STAU2: variants seen among roughly 807,000 people sequenced by gnomAD.
STAU2 encodes double-stranded RNA-binding protein Staufen homolog 2.
A neutral mutation model predicts 65.9 loss-of-function variants in STAU2; 20 were observed. That is an observed-to-expected ratio of 0.30 (90% CI 0.21 to 0.44). The LOEUF (loss-of-function observed/expected upper bound fraction) is 0.44. Ranked by LOEUF, STAU2 falls within the 20% of genes least tolerant of loss-of-function variation. STAU2 has a pLI of 1.00. For synonymous variants in STAU2, 232 were observed against 233.9 expected, an observed-to-expected ratio of 0.99 and a Z score of 0.07; for missense variants, 558 against 683.9, an observed-to-expected ratio of 0.82 and a Z score of 2.05.
At chr8:73,647,077 C>T (rs1428446230) in intron 6 of STAU2, among the ~76,000 whole-genome samples, 1 of 151,932 alleles carries the variant, frequency 6.6e-6, no homozygotes, top group East Asian at 1.9e-4. Flanking sequence ...TAGTGACAAC[C>T]ACAAATGCTG....
chr8:73,526,136 G>T (rs1805439267), intron 13 of STAU2, among the ~76,000 whole-genome samples: 1 of 152,142 alleles, frequency 6.6e-6, no homozygotes, highest in Non-Finnish European at 1.5e-5. Flanking sequence ...ATTCAACCTG[G>T]ATCAGGAAGA....
At chr8:73,654,847 C>T (rs1033368979) in intron 6 of STAU2, among the ~76,000 whole-genome samples, 10 of 151,278 alleles carry the variant, frequency 6.6e-5, no homozygotes, top group African/African-American at 1.9e-4. Context: ...CCACCATGCC[C>T]GGCTAATTTT....
At chr8:73,545,263 T>C (rs1806821464) in intron 13 of STAU2, among the ~76,000 whole-genome samples, 1 of 152,216 alleles carries the variant, frequency 6.6e-6, no homozygotes, top group African/African-American at 2.4e-5. Context: ...GACTTGATTC[T>C]AGACTTTATT....
chr8:73,635,301 T>C (rs1238742814), intron 6 of STAU2, among the ~76,000 whole-genome samples: 1 of 152,016 alleles, frequency 6.6e-6, no homozygotes, highest in Admixed American at 6.6e-5. Context: ...TACCAAAAAG[T>C]CAATGAAACA....
At chr8:73,630,650 G>C (rs1814023536) in intron 6 of STAU2, among the ~76,000 whole-genome samples, 1 of 152,166 alleles carries the variant, frequency 6.6e-6, no homozygotes, top group South Asian at 2.1e-4. Flanking sequence ...GTTGACATGA[G>C]TTAGTGTAGC....
chr8:73,514,680 C>T (rs1299755157), intron 13 of STAU2, among the ~76,000 whole-genome samples: 1 of 152,216 alleles, frequency 6.6e-6, no homozygotes, highest in African/African-American at 2.4e-5. Context: ...CATAGCTCTT[C>T]AGTATTCATA....
rs936375094 is a variant in STAU2 at position 73,595,236 on chromosome 8, T to C, written c.1091A>G (p.Asn364Ser). 3 of 1,586,534 alleles carry C rather than the reference T, an allele frequency of 1.9e-6. No individual in the cohort carries two copies. The highest frequency in any genetic ancestry group is 2.6e-6 in the Non-Finnish European group (3 of 1,163,124). The change falls in exon 11 of 15, where the codon AAT becomes AGT. Residue 364 changes from asparagine (N) to serine (S), a missense_variant. Asn to Ser is a conservative substitution (Grantham distance 46). Coordinates refer to ENST00000524300, the MANE Select transcript of STAU2 (RefSeq NM_001164380.2). ...TTGTAACAGCATTGCTTCTGCAGCA[T>C]TTTTTTTGGCTATCTTTTTATTAGG... ...TGPNKKIAKK[N>S]AAEAMLLQLG...
intron 8 of STAU2, among the ~76,000 whole-genome samples, 156 bp downstream of exon 8, chr8:73,615,519 T>C (rs948389788): frequency 2.6e-5 from 4 of 152,210 alleles, no homozygotes; most frequent in African/African-American, 7.2e-5. Flanking sequence ...ATGATTTCTA[T>C]TTTCACCAGG....
intron 6 of STAU2, among the ~76,000 whole-genome samples, chr8:73,623,626 T>A (rs1030721871): frequency 6.6e-6 from 1 of 152,234 alleles, no homozygotes; most frequent in Non-Finnish European, 1.5e-5. Context: ...GTAGAATTTA[T>A]GTTTAAAGGA....
At chr8:73,537,161 T>C (rs369103321) in intron 13 of STAU2, among the ~76,000 whole-genome samples, 4 of 151,926 alleles carry the variant, frequency 2.6e-5, no homozygotes, top group African/African-American at 7.2e-5. Flanking sequence ...AACTTGAAGA[T>C]AGAAAAATAT....
chr8:73,656,456 T>C (rs1413099856), intron 6 of STAU2, among the ~76,000 whole-genome samples: 2 of 152,268 alleles, frequency 1.3e-5, no homozygotes, highest in African/African-American at 2.4e-5. Flanking sequence ...CATTACACAT[T>C]TGCTACAATT....
At chr8:73,603,989 G>A in intron 9 of STAU2, 126 bp from the exon 10 acceptor site, 3 of 1,008,586 alleles carry the variant, frequency 3.0e-6, no homozygotes, top group Non-Finnish European at 2.8e-6. Context: ...AGATAAATGA[G>A]TCATTTATGA....
intron 11 of STAU2, among the ~76,000 whole-genome samples, chr8:73,584,032 A>T (rs1810189735): frequency 6.6e-6 from 1 of 152,220 alleles, no homozygotes. Context: ...TTTTTAAAAA[A>T]AAGTTGTTCT....
intron 10 of STAU2, among the ~76,000 whole-genome samples, chr8:73,599,264 A>C (rs761067804): frequency 1.9e-4 from 29 of 152,098 alleles, no homozygotes; most frequent in Admixed American, 5.9e-4. Flanking sequence ...ATAAAGAAAA[A>C]ATTTAAATTT....
chr8:73,686,681 C>T (rs1818852003), intron 5 of STAU2, among the ~76,000 whole-genome samples: 1 of 150,412 alleles, frequency 6.6e-6, no homozygotes, highest in Non-Finnish European at 1.5e-5. Flanking sequence ...GAAATCATCA[C>T]GGAAGAATTT....
intron 6 of STAU2, among the ~76,000 whole-genome samples, chr8:73,649,196 G>A (rs926284160): frequency 3.3e-5 from 5 of 152,176 alleles, no homozygotes; most frequent in Admixed American, 6.5e-5. Context: ...AACAAAGACC[G>A]AGATTTCCAA....
At chr8:73,643,450 T>C (rs552581485) in intron 6 of STAU2, among the ~76,000 whole-genome samples, 11 of 152,314 alleles carry the variant, frequency 7.2e-5, no homozygotes, top group East Asian at 5.8e-4. Context: ...AATCTGCATA[T>C]CCTCTGAAAT....
chr8:73,688,489 CGTGTGTGTGTGT>C lies in STAU2; in HGVS notation c.274+153_274+164del, dbSNP rs34713766. 2.5e-3 allele frequency among the ~76,000 whole-genome samples: 365 copies of C among 146,966 alleles called. 2 individuals are homozygous for C. The highest frequency in any genetic ancestry group is 6.4e-3 in the East Asian group (32 of 5,000). On this transcript the variant is annotated intron_variant, in intron 5 of 14. Transcript: ENST00000524300. ...CCTCCTTCAGTTATTTTTATGCTAC[CGTGTGTGTGTGT>C]GTGTGTGTGTGTGTGTGTGTGTGTG...
At chr8:73,665,423 T>C (rs908865464) in intron 6 of STAU2, among the ~76,000 whole-genome samples, 3 of 152,208 alleles carry the variant, frequency 2.0e-5, no homozygotes, top group African/African-American at 7.2e-5. Context: ...TTGAAACAAA[T>C]TGGGCTTTTC....
Sources: gnomAD v4.1 joint callset for allele counts (sites outside exome capture counted in the v4.1 genomes callset) on GRCh38, gnomAD v4.1.1 for gene constraint, MANE v1.5 for transcripts, NCBI Gene and HGNC (gene_info 2026-07-23, HGNC 2026-07-21) for gene names.